ACBD6: variants seen among roughly 807,000 people sequenced by gnomAD.
ACBD6 encodes the protein acyl-CoA binding domain containing 6.
Under a neutral mutation model 37.2 loss-of-function variants are expected in ACBD6, and 28 were observed. The ratio of observed to expected loss-of-function variants is 0.75; its 90% confidence interval spans 0.56 to 1.03. ACBD6 has a LOEUF of 1.03. Among genes scored for constraint, ACBD6 ranks in the 50% least tolerant of loss-of-function variants. The probability of loss-of-function intolerance (pLI) is 0.00; values close to 1 mark genes in which losing one functional copy is unlikely to be tolerated. For missense variants in ACBD6, 340 were observed against 337.4 expected, an observed-to-expected ratio of 1.01 and a Z score of -0.06; for synonymous variants, 113 against 126.8, an observed-to-expected ratio of 0.89 and a Z score of 0.73.
At chr1:180,397,946 G>C (rs1654324383) in intron 5 of ACBD6, among the ~76,000 whole-genome samples, 1 of 152,072 alleles carries the variant, frequency 6.6e-6, no homozygotes, top group South Asian at 2.1e-4. Context: ...CCAGCTACTT[G>C]GGAGGATGAG....
intron 11 of ACBD6, chr1:180,273,928 C>T (rs1648852414): frequency 2.6e-5 from 14 of 532,998 alleles, no homozygotes; most frequent in Non-Finnish European, 4.1e-5. Flanking sequence ...AAGGGACCAA[C>T]GAGCTCACCA....
intron 3 of ACBD6, among the ~76,000 whole-genome samples, chr1:180,441,919 T>C (rs911252803): frequency 5.3e-5 from 8 of 152,240 alleles, no homozygotes; most frequent in African/African-American, 1.9e-4. Context: ...TATACAATGT[T>C]GAACAGGAGT....
intron 6 of ACBD6, among the ~76,000 whole-genome samples, chr1:180,375,746 C>T (rs564736945): frequency 2.6e-4 from 39 of 152,104 alleles, no homozygotes; most frequent in African/African-American, 7.0e-4. Flanking sequence ...TGAAACCATA[C>T]GAGTACTAGA....
chr1:180,402,337 G>A lies in ACBD6; in HGVS notation c.574-4732C>T, dbSNP rs530889399. ...TCTCAAGATTATACCTAGCATGGAA[G>A]CCAATGACTGCTTGTGGGATAATTT... On this transcript the variant is annotated intron_variant, in intron 5 of 7. Transcript: ENST00000367595. 6.0e-4 allele frequency among the ~76,000 whole-genome samples: 92 copies of A among 152,262 alleles called. 1 individual carries two copies. The highest frequency in any genetic ancestry group is 8.7e-4 in the Non-Finnish European group (59 of 68,028).
At chr1:180,390,555 T>C (rs1334447381) in intron 6 of ACBD6, among the ~76,000 whole-genome samples, 1 of 151,928 alleles carries the variant, frequency 6.6e-6, no homozygotes, top group Non-Finnish European at 1.5e-5. Context: ...CATTGGTAGC[T>C]TGATGGGGAT....
At chr1:180,329,000 A>C (rs559111088) in intron 6 of ACBD6, among the ~76,000 whole-genome samples, 1 of 152,320 alleles carries the variant, frequency 6.6e-6, no homozygotes, top group South Asian at 2.1e-4. Context: ...TTGGATCATT[A>C]ACATTTCAGC....
Position 180,429,187 on chromosome 1 carries a change from G to A in ACBD6, c.467+993C>T, listed in dbSNP as rs750101335. ...ATATTCACACTGTTGTGCAATCCCC[G>A]TAACTTTTTCATCTTGTAAAACTGA... On this transcript the variant is annotated intron_variant, in intron 4 of 7. Coordinates refer to ENST00000367595, the MANE Select transcript of ACBD6 (RefSeq NM_032360.4). 2.0e-5 allele frequency among the ~76,000 whole-genome samples: 3 copies of A among 152,182 alleles called. No individual in the cohort carries two copies. In the East Asian group the frequency reaches 5.8e-4, roughly 29 times the overall value.
At chr1:180,321,505 C>T (rs1651067449) in intron 6 of ACBD6, among the ~76,000 whole-genome samples, 2 of 152,052 alleles carry the variant, frequency 1.3e-5, no homozygotes, top group African/African-American at 4.8e-5. Context: ...AGATCTTTCA[C>T]TTCTTTGGTT....
intron 6 of ACBD6, among the ~76,000 whole-genome samples, chr1:180,363,868 C>A (rs887606914): frequency 6.6e-6 from 1 of 152,126 alleles, no homozygotes; most frequent in Non-Finnish European, 1.5e-5. Flanking sequence ...AATGGAGAAA[C>A]CCTCAAGTGG....
At chr1:180,393,281 TCA>T (rs1420992480) in intron 6 of ACBD6, among the ~76,000 whole-genome samples, 1 of 152,040 alleles carries the variant, frequency 6.6e-6, no homozygotes, top group Non-Finnish European at 1.5e-5. Flanking sequence ...TTCAATTCCA[TCA>T]CAGTCACACA....
intron 3 of ACBD6, among the ~76,000 whole-genome samples, chr1:180,461,055 G>A (rs10753212): frequency 0.49 from 73,950 of 151,974 alleles, 20,815 homozygotes; most frequent in South Asian, 0.66. Flanking sequence ...GGAAGAACAC[G>A]ACCAACCTGA....
chr1:180,336,747 A>G (rs1271276173), intron 6 of ACBD6, among the ~76,000 whole-genome samples: 1 of 152,238 alleles, frequency 6.6e-6, no homozygotes, highest in African/African-American at 2.4e-5. Context: ...AAAAAAATTG[A>G]TAGACTGCTA....
At chr1:180,466,219 G>A (rs1650342849) in intron 3 of ACBD6, among the ~76,000 whole-genome samples, 1 of 152,006 alleles carries the variant, frequency 6.6e-6, no homozygotes, top group African/African-American at 2.4e-5. Flanking sequence ...TGGGAGTAAA[G>A]GTTTAATTTA....
intron 7 of ACBD6, among the ~76,000 whole-genome samples, chr1:180,302,540 C>A (rs924097890): frequency 1.3e-5 from 2 of 151,988 alleles, no homozygotes; most frequent in African/African-American, 4.8e-5. Flanking sequence ...GATTGCAACC[C>A]CTGTCTTTTT....
chr1:180,321,083 T>G (rs1403924176), intron 6 of ACBD6, among the ~76,000 whole-genome samples: 1 of 152,138 alleles, frequency 6.6e-6, no homozygotes, highest in Non-Finnish European at 1.5e-5. Flanking sequence ...GTACTTTTGT[T>G]GAAAAAGGGT....
chr1:180,273,752 CTGCT>C, intron 11 of ACBD6: 1 of 229,820 alleles, frequency 4.4e-6, no homozygotes, highest in Non-Finnish European at 8.7e-6. Flanking sequence ...CCATATGGGC[CTGCT>C]TGCTTCCCAA....
At chr1:180,286,581 T>G (rs1019496637), downstream of ACBD6, among the ~76,000 whole-genome samples, 1 of 152,224 alleles carries the variant, frequency 6.6e-6, no homozygotes, top group Non-Finnish European at 1.5e-5. Flanking sequence ...TAGTGTGGAA[T>G]GTGAAAGACT....
intron 4 of ACBD6, among the ~76,000 whole-genome samples, chr1:180,417,422 GA>G (rs765359358): frequency 1.3e-5 from 2 of 152,144 alleles, no homozygotes; most frequent in Non-Finnish European, 2.9e-5. Context: ...TTTCTCTGGA[GA>G]AAGACAGTTC....
chr1:180,362,546 T>C (rs764687559), intron 6 of ACBD6, among the ~76,000 whole-genome samples: 6 of 152,258 alleles, frequency 3.9e-5, no homozygotes, highest in Non-Finnish European at 4.4e-5. Context: ...GCTAGTATGT[T>C]CTTTTATGGA....
Sources: allele counts gnomAD v4.1 joint callset (sites outside exome capture counted in the v4.1 genomes callset), GRCh38; gene constraint gnomAD v4.1.1; transcripts MANE v1.5; gene names NCBI Gene and HGNC (gene_info 2026-07-23, HGNC 2026-07-21).